Variants in PLXNB1 observed in about 807,000 individuals in gnomAD.
PLXNB1 encodes the protein plexin B1.
A neutral mutation model predicts 209.4 loss-of-function variants in PLXNB1; 106 were observed. That is an observed-to-expected ratio of 0.51 (90% CI 0.43 to 0.59). The LOEUF is 0.59. Ranked by LOEUF, PLXNB1 falls within the 20% of genes least tolerant of loss-of-function variation. The pLI, the probability that PLXNB1 is intolerant of heterozygous loss-of-function variation, is 0.00. For synonymous variants in PLXNB1, 1,167 were observed against 1,183.2 expected, an observed-to-expected ratio of 0.99 and a Z score of 0.28; for missense variants, 2,357 against 2,853.2, an observed-to-expected ratio of 0.83 and a Z score of 3.96.
chr3:48,404,458 G>T lies in PLXNB1; in HGVS notation c.*28C>A. ...CCAGGGCTGCCCAGGCCAGGCTGAA[G>T]CAACAGCAGGCCGTGGCTCCTGGGT... On this transcript the variant is annotated 3_prime_UTR_variant, in exon 38 of 38. Transcript: ENST00000296440. 1 of 1,498,360 alleles carries T rather than the reference G, an allele frequency of 6.7e-7. No homozygotes were observed. The highest frequency in any genetic ancestry group is 9.3e-7 in the Non-Finnish European group (1 of 1,078,310). 92.8% of individuals were successfully genotyped at this position (1,498,360 alleles called of 1,614,324 possible).
intron 27 of PLXNB1, 44 bp from the exon 28 acceptor site, chr3:48,412,053 G>A (rs767788832): frequency 1.9e-5 from 31 of 1,606,984 alleles, no homozygotes; most frequent in Non-Finnish European, 2.6e-5. Context: ...AGGTGGCAGA[G>A]GTGTATGGGA....
chr3:48,425,699 C>T (rs1183514066), intron 1 of PLXNB1, among the ~76,000 whole-genome samples: 4 of 152,150 alleles, frequency 2.6e-5, no homozygotes, highest in Admixed American at 6.5e-5. Context: ...ACACCCTCTA[C>T]ACAGCCAGGG....
Position 48,412,828 on chromosome 3 carries a change from C to T in PLXNB1, c.4768G>A (p.Gly1590Ser). The T allele has an allele frequency of 6.2e-7, 1 of 1,613,770 alleles. No homozygotes were observed. The highest frequency in any genetic ancestry group is 8.5e-7 in the Non-Finnish European group (1 of 1,180,038). ...GTGGGCCGTCTGCTCTCAGGCACACCCAGGTCCCGGTGCAAGGGCGACTCG... is the reference window on the plus strand; with the variant it reads ...GTGGGCCGTCTGCTCTCAGGCACACTCAGGTCCCGGTGCAAGGGCGACTCG... ...HRESPLHRDL[G>S]VPESRRPTVE... The change falls in exon 25 of 38, where the codon GGT (glycine) becomes AGT (serine). Residue 1590 changes from glycine (G) to serine (S), a missense_variant. Around this residue, in one of 7 missense-constraint regions of PLXNB1, gnomAD observed 743 missense variants for 896.2 expected, o/e 0.83. Transcript: ENST00000296440.
chr3:48,422,419 G>T lies in PLXNB1; in HGVS notation c.1331C>A (p.Thr444Lys). ...TGCAGACCCCTGCTGGATGCTCTGT[G>T]TGGAGTATGGGTGGCCATCGCTCCC... ...GPGSDGHPYS[T>K]QSIQQGSAVS... is the part of the protein sequence containing the mutation. Residue 444 changes from threonine (T) to lysine (K), a missense_variant, in exon 5 of 38, where the codon ACA becomes AAA. Physicochemically the swap from Thr to Lys is moderately conservative, Grantham distance 78. Transcript: ENST00000296440. 2 of 1,601,398 alleles carry T rather than the reference G, an allele frequency of 1.2e-6. No individual in the cohort carries two copies. The highest frequency in any genetic ancestry group is 1.7e-6 in the Non-Finnish European group (2 of 1,173,728).
At chr3:48,421,425 C>T (rs1321825643) in intron 7 of PLXNB1, 41 bp from the exon 8 acceptor site, 3 of 1,510,878 alleles carry the variant, frequency 2.0e-6, no homozygotes, top group Non-Finnish European at 2.7e-6. Context: ...GGCTAGTGGG[C>T]AGCAGACCAG....
In PLXNB1 at chr3:48,424,631, A is replaced by G. The variant is rs1223519321; in HGVS notation, c.-6-14T>C. 6.5e-7 allele frequency: 1 copy of G among 1,532,688 alleles called. No individual in the cohort carries two copies. The highest frequency in any genetic ancestry group is 2.0e-5 in the Admixed American group (1 of 50,912). The allele number at this position is 1,532,688 out of a possible 1,614,324, so 94.9% of individuals were successfully genotyped here. A position where few individuals can be genotyped will look rare whatever the true frequency, so the allele number is the denominator to read the frequency against. ...AGGCATGGTCACCTGGCAGGAAGAG[A>G]GGTCGAGAGAGTGGGGCTCACGTGG... On this transcript the variant is annotated splice_polypyrimidine_tract_variant and intron_variant, in intron 2 of 37. Transcript: ENST00000296440.
rs2037696980 is a variant in PLXNB1, at chr3:48,411,753, C to T, written c.5247+110G>A. ...CCAGCCAGAGGTCAACCCAGCTCTA[C>T]ATCCAGGTACCACATCAGAAGCTGG... On this transcript the variant is annotated intron_variant, in intron 28 of 37. Transcript: ENST00000296440. The surrounding 1 kb of genome is among the most constrained non-coding windows in gnomAD (Gnocchi z 4.0). The T allele has an allele frequency of 1.6e-6, 2 of 1,282,868 alleles. No individual in the cohort carries two copies. Among genetic ancestry groups the T allele is most frequent in the African/African-American group, 2.9e-5 (2 of 67,852 alleles). 79.5% of individuals were successfully genotyped at this position (1,282,868 alleles called of 1,614,324 possible).
At chr3:48,421,018 G>A (rs1403219467) in intron 8 of PLXNB1, 62 bp from the exon 9 acceptor site, 14 of 1,414,746 alleles carry the variant, frequency 9.9e-6, no homozygotes, top group East Asian at 7.0e-5. Context: ...ACCCAGAGCC[G>A]ATATCCTGAG....
chr3:48,412,416 C>A, intron 26 of PLXNB1, 26 bp downstream of exon 26: 1 of 1,612,242 alleles, frequency 6.2e-7, no homozygotes, highest in Non-Finnish European at 8.5e-7. Flanking sequence ...GTCCAGGGCC[C>A]ACCCAGCCCC....
chr3:48,405,624 G>A lies in PLXNB1; in HGVS notation c.6303+100C>T. ...GGCCCCCCACTACTCTGTCCCTGGG[G>A]AAGACCAAAGCCCCCAACGTGAGTC... On this transcript the variant is annotated intron_variant, in intron 37 of 37. Transcript: ENST00000296440. The surrounding 1 kb of genome is among the most constrained non-coding windows in gnomAD (Gnocchi z 5.0). 1.1e-6 allele frequency: 1 copy of A among 927,014 alleles called. No individual in the cohort carries two copies. The highest frequency in any genetic ancestry group is 1.7e-6 in the Non-Finnish European group (1 of 593,234). 57.4% of individuals were successfully genotyped at this position (927,014 alleles called of 1,614,324 possible).
In PLXNB1 at chr3:48,411,177, C is replaced by T. The variant is rs1360495590; in HGVS notation, c.5248-141G>A. 2.9e-6 allele frequency: 2 copies of T among 700,132 alleles called. No homozygotes were observed. Among genetic ancestry groups the T allele is most frequent in the East Asian group, 5.5e-5 (2 of 36,490 alleles). 43.4% of individuals were successfully genotyped at this position (700,132 alleles called of 1,614,324 possible). ...ACAATCCCTAATTCTCGTCTCTTCA[C>T]CTGCCTGCCTTCCCCAGGGACAGCA... On this transcript the variant is annotated intron_variant, in intron 28 of 37. Transcript: ENST00000296440. The surrounding 1 kb of genome is among the most constrained non-coding windows in gnomAD (Gnocchi z 4.0).
At chr3:48,407,397 C>T (rs564586943) in intron 34 of PLXNB1, among the ~76,000 whole-genome samples, 5 of 152,270 alleles carry the variant, frequency 3.3e-5, no homozygotes, top group African/African-American at 9.6e-5. Flanking sequence ...TAGGGCAGGA[C>T]GCATGCTGTT....
chr3:48,413,491 T>C lies in PLXNB1; in HGVS notation c.4535+179A>G. On this transcript the variant is annotated intron_variant, in intron 23 of 37. Transcript: ENST00000296440. The surrounding 1 kb of genome is among the most constrained non-coding windows in gnomAD (Gnocchi z 5.4). ...GTTTCCATGTCGTCCCTGGCTGCCT[T>C]TGTGCCACAGTGGCAAAGCTGAGTT... The C allele has an allele frequency of 7.7e-6, 5 of 648,872 alleles. No homozygotes were observed. The highest frequency in any genetic ancestry group is 1.0e-5 in the Non-Finnish European group (4 of 383,420). The allele number at this position is 648,872 out of a possible 1,614,324, so 40.2% of individuals were successfully genotyped here. A position where few individuals can be genotyped will look rare whatever the true frequency, so the allele number is the denominator to read the frequency against.
chr3:48,413,305 C>G lies in PLXNB1; in HGVS notation c.4536-136G>C. On this transcript the variant is annotated intron_variant, in intron 23 of 37. Coordinates refer to ENST00000296440, the MANE Select transcript of PLXNB1 (RefSeq NM_001130082.3). The surrounding 1 kb of genome is among the most constrained non-coding windows in gnomAD (Gnocchi z 5.4). ...CATGCCAGCCAAGCTCAAGCCTAGC[C>G]CAGTACGATTCAGCCTGTCCCGTCC... 1.4e-6 allele frequency: 1 copy of G among 720,718 alleles called. No homozygotes were observed. The highest frequency in any genetic ancestry group is 2.4e-6 in the Non-Finnish European group (1 of 416,522). 44.6% of individuals were successfully genotyped at this position (720,718 alleles called of 1,614,324 possible). A position where few individuals can be genotyped will look rare whatever the true frequency, so the allele number is the denominator to read the frequency against.
chr3:48,406,869 G>C lies in PLXNB1; in HGVS notation c.6182C>G (p.Pro2061Arg), dbSNP rs2037343488. The change falls in exon 36 of 38, where the codon CCA (proline) becomes CGA (arginine). Residue 2061 changes from proline (P) to arginine (R), a missense_variant. Pro to Arg is a moderately radical substitution (Grantham distance 103). Around this residue, in one of 7 missense-constraint regions of PLXNB1, gnomAD observed 414 missense variants for 520.5 expected, o/e 0.80. Coordinates refer to ENST00000296440, the MANE Select transcript of PLXNB1 (RefSeq NM_001130082.3). The surrounding 1 kb of genome is among the most constrained non-coding windows in gnomAD (Gnocchi z 4.4). ...RYYADIRQTV[P>R]ASDQEMNSVL... ...AGAGTTCATCTCTTGGTCGCTGGCT[G>C]GGACAGTCTGTCTGATGTCTGCATA... is the stretch of plus-strand genomic sequence containing the variant. 1.2e-6 allele frequency: 2 copies of C among 1,612,938 alleles called. No homozygotes were observed. The highest frequency in any genetic ancestry group is 1.7e-6 in the Non-Finnish European group (2 of 1,179,508).
chr3:48,420,909 C>T lies in PLXNB1; in HGVS notation c.1858G>A (p.Ala620Thr), dbSNP rs141123139. Reference sequence around the variant, plus strand: ...TCATAGAAAGAGAGGGAAGTTTTGGCGATCACAACAGCGCCAAATCTGAGC... The same window carrying T: ...TCATAGAAAGAGAGGGAAGTTTTGGTGATCACAACAGCGCCAAATCTGAGC... Reference protein sequence around the residue: ...VELRFGAVVIAKTSLSFYDCV... With the variant: ...VELRFGAVVITKTSLSFYDCV... Residue 620 changes from alanine to threonine, a missense_variant, in exon 9 of 38, where the codon GCC (alanine) becomes ACC (threonine). Physicochemically the swap from Ala to Thr is moderately conservative, Grantham distance 58. Coordinates refer to ENST00000296440, the MANE Select transcript of PLXNB1 (RefSeq NM_001130082.3). 5.5e-5 allele frequency: 89 copies of T among 1,613,956 alleles called. No individual in the cohort carries two copies. The East Asian group carries it at 1.2e-3, about 23-fold the overall frequency.
At chr3:48,414,685 A>C in intron 21 of PLXNB1, 114 bp downstream of exon 21, 2 of 1,285,404 alleles carry the variant, frequency 1.6e-6, no homozygotes, top group Non-Finnish European at 2.2e-6. Flanking sequence ...ATGAGGAGCC[A>C]TGTCCATCCA....
rs776989704 is a variant in PLXNB1 at position 48,422,892 on chromosome 3, C to A, written c.1163G>T (p.Ser388Ile). ...TGGTGTGGCTTCCAGCGGGACCCGGCTGGCCATGGGGCTGGGCGTGTGGTC... is the reference window on the plus strand; with the variant it reads ...TGGTGTGGCTTCCAGCGGGACCCGGATGGCCATGGGGCTGGGCGTGTGGTC... The part of the protein sequence containing the change: ...GSDHTPSPMA[S>I]RVPLEATPIL... Residue 388 changes from serine (S) to isoleucine (I), a missense_variant, in exon 4 of 38, where the codon AGC becomes ATC. Physicochemically the swap from Ser to Ile is moderately radical, Grantham distance 142. This residue lies in a region of PLXNB1 where 404 missense variants were observed against 443.6 expected (regional missense o/e 0.91). Coordinates refer to ENST00000296440, the MANE Select transcript of PLXNB1 (RefSeq NM_001130082.3). The A allele has an allele frequency of 6.2e-7, 1 of 1,614,154 alleles. No individual in the cohort carries two copies. Among genetic ancestry groups the A allele is most frequent in the South Asian group, 1.1e-5 (1 of 91,088 alleles).
chr3:48,410,100 T>A lies in PLXNB1; in HGVS notation c.5606-23A>T. 3 of 1,555,524 alleles carry A rather than the reference T, an allele frequency of 1.9e-6. No homozygotes were observed. Among genetic ancestry groups the A allele is most frequent in the Non-Finnish European group, 2.6e-6 (3 of 1,146,514 alleles). ...TCCCTGTGCCAAGAGCCCACAGCTG[T>A]CACCCCTCCCCAGGTGCCACCTCCC... On this transcript the variant is annotated intron_variant, in intron 31 of 37. Coordinates refer to ENST00000296440, the MANE Select transcript of PLXNB1 (RefSeq NM_001130082.3). This position sits in a 1 kb window ranked among gnomAD's most constrained non-coding sequence, Gnocchi z 6.4.
Sources: gnomAD v4.1 joint callset for allele counts (sites outside exome capture counted in the v4.1 genomes callset) on GRCh38, gnomAD v4.1.1 for gene constraint, gnomAD v4.1.1 regional missense constraint, Gnocchi (gnomAD v3.1) non-coding constraint, MANE v1.5 for transcripts, NCBI Gene and HGNC (gene_info 2026-07-23, HGNC 2026-07-21) for gene names.